PCDHA1: variants seen among roughly 807,000 people sequenced by gnomAD.
PCDHA1 encodes the protein protocadherin alpha 1.
PCDHA1 carries 42 observed loss-of-function variants against 61.3 expected under a neutral mutation model. The observed-to-expected ratio is 0.69, with a 90% CI of 0.54 to 0.89. The LOEUF (loss-of-function observed/expected upper bound fraction) is 0.89, where lower values mean the gene tolerates loss of function less well. PCDHA1 is among the 40% of genes least tolerant of loss of function. The probability of loss-of-function intolerance (pLI) is 0.00; values close to 1 mark genes in which losing one functional copy is unlikely to be tolerated. For missense variants in PCDHA1, 1,256 were observed against 1,235.3 expected (o/e 1.02, Z -0.25); for synonymous variants, 610 against 553.8 (o/e 1.10, Z -1.43).
At chr5:140,873,592 T>G (rs936003894) in intron 1 of PCDHA1, among the ~76,000 whole-genome samples, 1 of 152,234 alleles carries the variant, frequency 6.6e-6, no homozygotes, top group African/African-American at 2.4e-5. Flanking sequence ...TAAGCTAAAC[T>G]TAGATGTTCC....
At chr5:140,968,165 C>T in intron 1 of PCDHA1, 6 of 1,614,120 alleles carry the variant, frequency 3.7e-6, no homozygotes, top group African/African-American at 1.3e-5. Flanking sequence ...TGACAATCCA[C>T]CAAGCTTCCT....
intron 3 of PCDHA1, among the ~76,000 whole-genome samples, chr5:140,988,674 T>C (rs1221039125): frequency 1.3e-5 from 2 of 152,240 alleles, no homozygotes; most frequent in Non-Finnish European, 2.9e-5. Context: ...GACTCTAAGA[T>C]AATTCTTTCC....
intron 1 of PCDHA1, among the ~76,000 whole-genome samples, chr5:140,916,133 G>A (rs2077446110): frequency 6.6e-6 from 1 of 152,114 alleles, no homozygotes; most frequent in Non-Finnish European, 1.5e-5. Flanking sequence ...AAGCTTAAGG[G>A]CTGTTCAGTT....
chr5:140,998,228 T>G (rs528236708), intron 3 of PCDHA1, among the ~76,000 whole-genome samples: 1 of 152,288 alleles, frequency 6.6e-6, no homozygotes, highest in East Asian at 1.9e-4. Flanking sequence ...ACCCAGAAAT[T>G]TGTGCATTAT....
chr5:140,824,062 C>T (rs2150131839), intron 1 of PCDHA1: 2 of 1,614,200 alleles, frequency 1.2e-6, no homozygotes, highest in African/African-American at 1.3e-5. Flanking sequence ...TGGGGAAGCT[C>T]CACCCAAAAC....
At chr5:140,966,950 G>A (rs782713044) in intron 1 of PCDHA1, 3 of 1,603,480 alleles carry the variant, frequency 1.9e-6, no homozygotes, top group Non-Finnish European at 2.5e-6. Flanking sequence ...GGGCAACGTG[G>A]CTCGCGCGCT....
chr5:140,863,936 G>A (rs1554158535), intron 1 of PCDHA1: 2 of 160,752 alleles, frequency 1.2e-5, no homozygotes, highest in African/African-American at 4.8e-5. Context: ...AGGAGGCAGA[G>A]GTTGCGGTGA....
At chr5:140,870,830 T>C in intron 1 of PCDHA1, 1 of 1,613,762 alleles carries the variant, frequency 6.2e-7, no homozygotes. Context: ...GGAGGCGCAG[T>C]TAACAAGCTA....
rs141054640 is a variant in PCDHA1 at position 140,849,634 on chromosome 5, A to G, written c.2394+60950A>G. The G allele has an allele frequency of 6.8e-4, 1,094 of 1,598,766 alleles. 107 individuals are homozygous for G. Among genetic ancestry groups the G allele is most frequent in the South Asian group, 1.2e-3 (106 of 90,564 alleles). On this transcript the variant is annotated intron_variant, in intron 1 of 3. Coordinates refer to ENST00000504120, the MANE Select transcript of PCDHA1 (RefSeq NM_018900.4). Reference sequence around the variant, plus strand: ...ATTAGTGTGATCGACCTAGACGCAGATGCCAACGGGCAGGTTACCTGCTCC... The same window carrying G: ...ATTAGTGTGATCGACCTAGACGCAGGTGCCAACGGGCAGGTTACCTGCTCC...
At chr5:140,885,124 T>C (rs1019759458) in intron 1 of PCDHA1, among the ~76,000 whole-genome samples, 35 of 152,216 alleles carry the variant, frequency 2.3e-4, no homozygotes, top group African/African-American at 8.2e-4. Flanking sequence ...TGCACTTTTC[T>C]TTCTTTCTTT....
At chr5:140,895,709 A>G (rs763607157) in intron 1 of PCDHA1, among the ~76,000 whole-genome samples, 2 of 152,208 alleles carry the variant, frequency 1.3e-5, no homozygotes, top group African/African-American at 2.4e-5. Flanking sequence ...CACTTGGGAT[A>G]ATGGCCTGCA....
intron 3 of PCDHA1, among the ~76,000 whole-genome samples, chr5:141,008,809 C>A (rs1397377778): frequency 6.6e-6 from 1 of 152,160 alleles, no homozygotes; most frequent in African/African-American, 2.4e-5. Flanking sequence ...CAAATAGGCT[C>A]AATTTACAAC....
intron 1 of PCDHA1, chr5:140,851,932 T>G: frequency 1.0e-6 from 1 of 965,638 alleles, no homozygotes; most frequent in Non-Finnish European, 1.3e-6. Context: ...TTTCCTGAAT[T>G]GTAGTATGTG....
chr5:140,857,990 G>C lies in PCDHA1; in HGVS notation c.2394+69306G>C, dbSNP rs570220982. ...TGACTCGCCACGCCAGCGCCTACTG[G>C]TGCTGGTGAAGGACCATGGCGAGCC... On this transcript the variant is annotated intron_variant, in intron 1 of 3. Transcript: ENST00000504120. 3.7e-5 allele frequency: 59 copies of C among 1,597,202 alleles called. 9 individuals are homozygous for C. In the South Asian group the frequency reaches 5.7e-4, roughly 16 times the overall value.
intron 1 of PCDHA1, among the ~76,000 whole-genome samples, chr5:140,942,913 G>GA (rs58669311): frequency 1.5e-4 from 23 of 148,948 alleles, no homozygotes; most frequent in Middle Eastern, 3.5e-3. Flanking sequence ...TAAGCGTGAA[G>GA]AAAAAAAAAA....
intron 3 of PCDHA1, among the ~76,000 whole-genome samples, chr5:140,992,100 A>G (rs1285742519): frequency 6.6e-6 from 1 of 151,526 alleles, no homozygotes; most frequent in African/African-American, 2.4e-5. Context: ...AAAGAGAATT[A>G]AGGTGAGATG....
intron 1 of PCDHA1, among the ~76,000 whole-genome samples, chr5:140,906,235 C>G (rs1319955366): frequency 1.3e-5 from 2 of 152,174 alleles, no homozygotes; most frequent in African/African-American, 4.8e-5. Flanking sequence ...CTCCCCTTGT[C>G]AACTTGAACC....
intron 3 of PCDHA1, among the ~76,000 whole-genome samples, chr5:140,991,746 T>C (rs74524919): frequency 0.01 from 1,537 of 152,318 alleles, 24 homozygotes; most frequent in African/African-American, 0.035. Flanking sequence ...GTAGGCTCTT[T>C]CTATCATGCT....
In PCDHA1 at chr5:140,787,701, G is replaced by A; in HGVS notation, c.1411G>A (p.Gly471Ser). 2 of 1,613,926 alleles carry A rather than the reference G, an allele frequency of 1.2e-6. No homozygotes were observed. The highest frequency in any genetic ancestry group is 1.7e-6 in the Non-Finnish European group (2 of 1,179,932). ...TVFVKENNPP[G>S]CHIFTVSARD... ...ATTCGTGAAGGAGAACAACCCGCCG[G>A]GCTGCCACATCTTCACGGTGTCTGC... The change falls in exon 1 of 4, where the codon GGC (glycine) becomes AGC (serine). Residue 471 changes from glycine (G) to serine (S), a missense_variant. Transcript: ENST00000504120.
Sources: gnomAD v4.1 joint callset for allele counts (sites outside exome capture counted in the v4.1 genomes callset) on GRCh38, gnomAD v4.1.1 for gene constraint, MANE v1.5 for transcripts, NCBI Gene and HGNC (gene_info 2026-07-23, HGNC 2026-07-21) for gene names.